ARHGAP6: variants seen among roughly 807,000 people sequenced by gnomAD.
The protein encoded by ARHGAP6 is Rho GTPase activating protein 6, also known as rho GTPase-activating protein 6.
Under a neutral mutation model 55.7 loss-of-function variants are expected in ARHGAP6, and 16 were observed. The ratio of observed to expected loss-of-function variants is 0.29; its 90% CI spans 0.19 to 0.44. ARHGAP6 has a LOEUF of 0.44. Among genes scored for constraint, ARHGAP6 ranks in the 20% least tolerant of loss-of-function variants. ARHGAP6 has a pLI of 1.00. For synonymous variants in ARHGAP6, 382 were observed against 360.9 expected (o/e 1.06, Z -0.66); for missense variants, 698 against 808.9 (o/e 0.86, Z 1.66).
chrX:11,273,427 C>A (rs771895610), intron 1 of ARHGAP6, among the ~76,000 whole-genome samples: 42 of 104,981 alleles, frequency 4.0e-4, no homozygotes, highest in Non-Finnish European at 4.4e-4. Context: ...AAAAAAAAAA[C>A]CAGTAGACTC....
At chrX:11,436,983 T>C (rs2049993198) in intron 1 of ARHGAP6, among the ~76,000 whole-genome samples, 1 of 110,739 alleles carries the variant, frequency 9.0e-6, no homozygotes, top group South Asian at 3.9e-4. Flanking sequence ...ACTTTGAATA[T>C]GTTAAAGACC....
chrX:11,381,887 C>T (rs1193962054), intron 1 of ARHGAP6, among the ~76,000 whole-genome samples: 1 of 112,133 alleles, frequency 8.9e-6, no homozygotes, highest in Non-Finnish European at 1.9e-5. Context: ...AGTCAAGAGA[C>T]GACAAAGTTA....
chrX:11,153,928 G>A lies in ARHGAP6; in HGVS notation c.1907+2601C>T, dbSNP rs1462639893. Among the ~76,000 whole-genome samples the A allele has an allele frequency of 4.5e-5, 5 of 110,465 alleles. No individual in the cohort carries two copies. In the South Asian group the frequency reaches 1.6e-3, roughly 35 times the overall value. ...GCTGCACCCATTAACTCGTCATTTA[G>A]CATTAGGTATATCTCCTAATGCTAT... is the stretch of plus-strand genomic sequence containing the variant. On this transcript the variant is annotated intron_variant, in intron 10 of 12. Transcript: ENST00000337414.
rs1450542741 is a variant in ARHGAP6 at position 11,660,416 on chromosome X, G to A, written c.588+3825C>T. ...TCTCTACTGGTGCATGCCTGTAGTC[G>A]CAGCTACTGGGGAGGCTGAGGCAGG... On this transcript the variant is annotated intron_variant, in intron 1 of 12. Transcript: ENST00000337414. Among the ~76,000 whole-genome samples the A allele has an allele frequency of 2.8e-5, 3 of 106,475 alleles. No homozygotes were observed. In the Admixed American group the frequency reaches 3.0e-4, roughly 11 times the overall value. 92.5% of individuals were successfully genotyped at this position (106,475 alleles called of 115,157 possible). A position where few individuals can be genotyped will look rare whatever the true frequency, so the allele number is the denominator to read the frequency against.
At chrX:11,173,950 G>T (rs769734071) in intron 8 of ARHGAP6, among the ~76,000 whole-genome samples, 23 of 110,847 alleles carry the variant, frequency 2.1e-4, no homozygotes, top group Non-Finnish European at 4.2e-4. Context: ...CATCTATGTT[G>T]CAATCCCCCC....
chrX:11,496,346 C>T (rs1367835879), intron 1 of ARHGAP6, among the ~76,000 whole-genome samples: 2 of 112,017 alleles, frequency 1.8e-5, no homozygotes, highest in Non-Finnish European at 3.8e-5. Context: ...TGTGTATATC[C>T]TATCTTTTTG....
At chrX:11,175,819 T>C (rs2046204875) in intron 8 of ARHGAP6, among the ~76,000 whole-genome samples, 1 of 109,600 alleles carries the variant, frequency 9.1e-6, no homozygotes, top group South Asian at 4.1e-4. Context: ...CAAATATCAA[T>C]TGTGCAGAGG....
At chrX:11,640,483 C>T (rs909644609) in intron 1 of ARHGAP6, among the ~76,000 whole-genome samples, 2 of 112,094 alleles carry the variant, frequency 1.8e-5, no homozygotes, top group African/African-American at 6.5e-5. Flanking sequence ...AACAGTGCTG[C>T]CTCGCCTTAA....
chrX:11,327,713 A>G (rs1177347201), intron 1 of ARHGAP6, among the ~76,000 whole-genome samples: 1 of 111,869 alleles, frequency 8.9e-6, no homozygotes, highest in African/African-American at 3.3e-5. Flanking sequence ...AAAGATATCA[A>G]AAAGTCAGGT....
chrX:11,518,172 G>C (rs1419096961), intron 1 of ARHGAP6, among the ~76,000 whole-genome samples: 1 of 110,035 alleles, frequency 9.1e-6, no homozygotes. Flanking sequence ...ACAGGGTCTT[G>C]GTCTATCACC....
At position 11,590,775 on chromosome X, in the gene ARHGAP6, C is replaced by CAAACAGAAAAGAAAAGAAAA. The variant is rs1216907403; in HGVS notation, c.588+73465_588+73466insTTTTCTTTTCTTTTCTGTTT. On this transcript the variant is annotated intron_variant, in intron 1 of 12. Transcript: ENST00000337414. ...TGGGTGACAGAGTGAGACTCCATCT[C>CAAACAGAAAAGAAAAGAAAA]GAAAAGAAAAGAAAAGAAAAGAAAA... 3.7e-4 allele frequency among the ~76,000 whole-genome samples: 4 copies of CAAACAGAAAAGAAAAGAAAA among 10,738 alleles called. 2 individuals carry two copies. Among genetic ancestry groups the CAAACAGAAAAGAAAAGAAAA allele is most frequent in the African/African-American group, 2.1e-3 (4 of 1,947 alleles). The allele number at this position is 10,738 out of a possible 115,157, so 9.3% of individuals were successfully genotyped here. A position where few individuals can be genotyped will look rare whatever the true frequency, so the allele number is the denominator to read the frequency against.
chrX:11,401,428 A>C (rs769488582), intron 1 of ARHGAP6, among the ~76,000 whole-genome samples: 1 of 111,995 alleles, frequency 8.9e-6, no homozygotes, highest in East Asian at 2.8e-4. Flanking sequence ...GGCACTGTAG[A>C]CATTTGGGTC....
chrX:11,233,055 G>C (rs776825987), intron 2 of ARHGAP6, among the ~76,000 whole-genome samples: 2 of 112,399 alleles, frequency 1.8e-5, no homozygotes, highest in Non-Finnish European at 3.8e-5. Flanking sequence ...TCCAATCTTT[G>C]TGTTTATGCA....
At chrX:11,601,925 T>A (rs966774986) in intron 1 of ARHGAP6, among the ~76,000 whole-genome samples, 1 of 111,082 alleles carries the variant, frequency 9.0e-6, no homozygotes, top group Non-Finnish European at 1.9e-5. Context: ...AAATGGCGAG[T>A]AAGTACAAAA....
chrX:11,319,170 ATC>A (rs10598054), intron 1 of ARHGAP6, among the ~76,000 whole-genome samples: 4 of 111,710 alleles, frequency 3.6e-5, no homozygotes, highest in South Asian at 3.7e-4. Context: ...CTATCTATAT[ATC>A]TCTCTCTCAA....
intron 1 of ARHGAP6, among the ~76,000 whole-genome samples, chrX:11,255,350 C>T (rs1055805981): frequency 2.7e-5 from 3 of 110,351 alleles, no homozygotes; most frequent in Admixed American, 9.7e-5. Context: ...ATCCCTCCAA[C>T]AACCTTATGA....
chrX:11,350,194 C>A (rs1476331398), intron 1 of ARHGAP6, among the ~76,000 whole-genome samples: 1 of 111,590 alleles, frequency 9.0e-6, no homozygotes, highest in African/African-American at 3.3e-5. Context: ...CCTGCCACTC[C>A]AAAAATCCTG....
At chrX:11,225,863 G>T (rs1183806721) in intron 2 of ARHGAP6, 20 of 216,890 alleles carry the variant, frequency 9.2e-5, no homozygotes, top group East Asian at 8.2e-4. Flanking sequence ...CTTTTTTTTT[G>T]ATCAGTTTGA....
At chrX:11,415,930 T>A in intron 1 of ARHGAP6, among the ~76,000 whole-genome samples, 1 of 111,975 alleles carries the variant, frequency 8.9e-6, no homozygotes, top group Non-Finnish European at 1.9e-5. Context: ...ATGGTTTTTT[T>A]ATGCCACTGA....
Sources: gnomAD v4.1 joint callset for allele counts (sites outside exome capture counted in the v4.1 genomes callset) on GRCh38, gnomAD v4.1.1 for gene constraint, MANE v1.5 for transcripts, NCBI Gene and HGNC (gene_info 2026-07-23, HGNC 2026-07-21) for gene names.